Variants in PI16 observed in about 807,000 individuals in gnomAD.
The protein encoded by PI16 is PSP94-binding protein.
PI16 carries 35 observed loss-of-function variants against 38.0 expected under a neutral mutation model. The observed-to-expected ratio is 0.92, with a 90% confidence interval of 0.70 to 1.22. The LOEUF (loss-of-function observed/expected upper bound fraction) is 1.22, where lower values mean the gene tolerates loss of function less well. Ranked by LOEUF, PI16 falls within the 50% of genes most tolerant of loss-of-function variation. PI16 has a pLI of 0.00. For missense variants in PI16, 572 were observed against 593.8 expected (o/e 0.96, Z 0.38); for synonymous variants, 275 against 252.9 (o/e 1.09, Z -0.83).
intron 1 of PI16, among the ~76,000 whole-genome samples, chr6:36,957,323 A>G (rs754046427): frequency 3.9e-5 from 6 of 152,062 alleles, no homozygotes; most frequent in Admixed American, 1.3e-4. Context: ...TCTGATTAGG[A>G]TGCCTCTCCC....
chr6:36,963,085 T>G lies in PI16; in HGVS notation c.743T>G (p.Val248Gly). 1 of 1,614,034 alleles carries G rather than the reference T, an allele frequency of 6.2e-7. No individual in the cohort carries two copies. The highest frequency in any genetic ancestry group is 8.5e-7 in the Non-Finnish European group (1 of 1,180,004). ...ATTCCGGCTTTCTTGGTAACAGAGG[T>G]CTCAGGCTCCCTGGCAACCAAGGCT... The part of the protein sequence containing the change: ...TGIPAFLVTE[V>G]SGSLATKALP... Residue 248 changes from valine (V) to glycine (G), a missense_variant, in exon 5 of 7, where the codon GTC becomes GGC. Coordinates refer to ENST00000373674, the MANE Select transcript of PI16 (RefSeq NM_153370.3).
At chr6:36,957,925 G>T (rs960397886) in intron 1 of PI16, among the ~76,000 whole-genome samples, 17 of 152,198 alleles carry the variant, frequency 1.1e-4, no homozygotes, top group African/African-American at 4.1e-4. Flanking sequence ...GGCCCCCAGC[G>T]CCCTGCCCCT....
At chr6:36,955,598 G>A (rs1460082354) in intron 1 of PI16, among the ~76,000 whole-genome samples, 1 of 152,210 alleles carries the variant, frequency 6.6e-6, no homozygotes, top group Non-Finnish European at 1.5e-5. Context: ...ATATACCAGT[G>A]TGGATTGAAT....
Position 36,961,957 on chromosome 6 carries a change from G to T in PI16, c.575G>T (p.Cys192Phe). 6.2e-7 allele frequency: 1 copy of T among 1,614,052 alleles called. No individual in the cohort carries two copies. Among genetic ancestry groups the T allele is most frequent in the Non-Finnish European group, 8.5e-7 (1 of 1,179,900 alleles). The change falls in exon 4 of 7, where the codon TGC becomes TTC. Residue 192 changes from cysteine to phenylalanine, a missense_variant. Transcript: ENST00000373674. The stretch of plus-strand genomic sequence containing the variant: ...TCCCAATGTCCCTCTGGCTACCACT[G>T]CAAGAACTCCCTCTGTGGTGAGTCC... The part of the protein sequence containing the change: ...PCSQCPSGYH[C>F]KNSLCEPIGS...
Position 36,959,325 on chromosome 6 carries a change from G to C in PI16, c.352G>C (p.Ala118Pro). 1 of 1,571,498 alleles carries C rather than the reference G, an allele frequency of 6.4e-7. No individual in the cohort carries two copies. Among genetic ancestry groups the C allele is most frequent in the Middle Eastern group, 1.7e-4 (1 of 5,930 alleles). The change falls in exon 2 of 7, where the codon GCC becomes CCC. Residue 118 changes from alanine (A) to proline (P), a missense_variant. Ala to Pro is a conservative substitution (Grantham distance 27). Transcript: ENST00000373674. ...HEREHYNLSAATCSPGQMCGH... is the reference protein window; with the variant it reads ...HEREHYNLSAPTCSPGQMCGH... ...GCGTGAGCACTACAACCTCAGCGCC[G>C]CCACCTGCAGCCCAGGCCAGATGTG...
chr6:36,962,822 G>A lies in PI16; in HGVS notation c.593-113G>A, dbSNP rs1410657578. The A allele has an allele frequency of 9.2e-6, 8 of 868,348 alleles. No individual in the cohort carries two copies. The highest frequency in any genetic ancestry group is 2.8e-5 in the Admixed American group (1 of 36,008). The allele number at this position is 868,348 out of a possible 1,614,324, so 53.8% of individuals were successfully genotyped here. On this transcript the variant is annotated intron_variant, in intron 4 of 6. Coordinates refer to ENST00000373674, the MANE Select transcript of PI16 (RefSeq NM_153370.3). The surrounding 1 kb of genome is among the most constrained non-coding windows in gnomAD (Gnocchi z 4.1). Reference sequence around the variant, plus strand: ...GCATATCAGCTGGAGAAGTGTATGTGTGTGTTTGTGTGTCCTGGTAGGACA... The same window carrying A: ...GCATATCAGCTGGAGAAGTGTATGTATGTGTTTGTGTGTCCTGGTAGGACA...
chr6:36,960,649 C>T (rs1313665790), intron 2 of PI16, among the ~76,000 whole-genome samples: 28 of 145,244 alleles, frequency 1.9e-4, no homozygotes, highest in African/African-American at 6.4e-4. Flanking sequence ...TCCACCCCCC[C>T]CCTCCCTCTA....
In PI16 at chr6:36,963,582, C is replaced by T. The variant is rs771341353; in HGVS notation, c.1240C>T (p.Arg414Cys). 12 of 1,613,978 alleles carry T rather than the reference C, an allele frequency of 7.4e-6. No individual in the cohort carries two copies. The highest frequency in any genetic ancestry group is 1.3e-5 in the African/African-American group (1 of 74,934). Residue 414 changes from arginine to cysteine, a missense_variant, in exon 5 of 7, where the codon CGT becomes TGT. Coordinates refer to ENST00000373674, the MANE Select transcript of PI16 (RefSeq NM_153370.3). ...TGCCACCGCTAATGCCACGGGTGGG[C>T]GTGCCCTGGCTCTGCAGTCGTCCTT... ...TSATANATGG[R>C]ALALQSSLPG... is the part of the protein sequence containing the mutation.
At chr6:36,957,034 T>A (rs1372839499) in intron 1 of PI16, among the ~76,000 whole-genome samples, 1 of 152,170 alleles carries the variant, frequency 6.6e-6, no homozygotes, top group African/African-American at 2.4e-5. Context: ...ACTCCTAGGA[T>A]AGCCTCTACC....
intron 3 of PI16, 144 bp downstream of exon 3, chr6:36,961,704 C>T (rs1763370415): frequency 3.3e-6 from 3 of 896,724 alleles, no homozygotes; most frequent in Middle Eastern, 2.9e-4. Context: ...GTGAAGGCAC[C>T]AATGGGGGTC....
chr6:36,954,724 G>A, upstream of PI16: 1 of 1,581,428 alleles, frequency 6.3e-7, no homozygotes, highest in Non-Finnish European at 8.6e-7. Context: ...CCAGCTGCCA[G>A]ACCCCTGGAC....
chr6:36,962,007 G>T lies in PI16; in HGVS notation c.592+33G>T, dbSNP rs1238621075. On this transcript the variant is annotated intron_variant, in intron 4 of 6. Coordinates refer to ENST00000373674, the MANE Select transcript of PI16 (RefSeq NM_153370.3). This position sits in a 1 kb window ranked among gnomAD's most constrained non-coding sequence, Gnocchi z 4.1. ...CACGGGTGGATGGGTAGGGGCAGGG[G>T]GTGTGGAAATGATGCGATGCAGACT... 2 of 1,566,076 alleles carry T rather than the reference G, an allele frequency of 1.3e-6. No homozygotes were observed. The highest frequency in any genetic ancestry group is 1.7e-5 in the Admixed American group (1 of 59,920).
intron 1 of PI16, among the ~76,000 whole-genome samples, chr6:36,949,460 A>C (rs2150732005): frequency 6.6e-6 from 1 of 152,300 alleles, no homozygotes; most frequent in Non-Finnish European, 1.5e-5. Flanking sequence ...CTAAGTTGTC[A>C]GGAACTCACT....
chr6:36,959,407 G>T, intron 2 of PI16, 41 bp downstream of exon 2: 1 of 1,513,596 alleles, frequency 6.6e-7, no homozygotes, highest in Non-Finnish European at 8.8e-7. Context: ...GCCTCGCGGC[G>T]TGGGGGTGGG....
Position 36,962,920 on chromosome 6 carries a change from C to G in PI16, c.593-15C>G, listed in dbSNP as rs769595857. On this transcript the variant is annotated splice_polypyrimidine_tract_variant and intron_variant, in intron 4 of 6. Coordinates refer to ENST00000373674, the MANE Select transcript of PI16 (RefSeq NM_153370.3). This position sits in a 1 kb window ranked among gnomAD's most constrained non-coding sequence, Gnocchi z 4.1. ...TGCTTGCAGCACTCATGCCCGTTCT[C>G]GTCTGTCTTATCAGAACCCATCGGA... 4 of 1,594,748 alleles carry G rather than the reference C, an allele frequency of 2.5e-6. No individual in the cohort carries two copies. The South Asian group carries it at 3.4e-5, about 13-fold the overall frequency.
At chr6:36,955,567 C>T (rs1307074574) in intron 1 of PI16, among the ~76,000 whole-genome samples, 5 of 152,160 alleles carry the variant, frequency 3.3e-5, no homozygotes, top group Middle Eastern at 6.8e-3. Context: ...CTGTAAAAGG[C>T]GGTCAGAATT....
intron 1 of PI16, among the ~76,000 whole-genome samples, chr6:36,958,598 C>T (rs1437946543): frequency 6.9e-6 from 1 of 145,298 alleles, no homozygotes; most frequent in Non-Finnish European, 1.5e-5. Flanking sequence ...AGCACTGGGG[C>T]GGGAGCCTGC....
In PI16 at chr6:36,963,126, A is replaced by G. The variant is rs145022350; in HGVS notation, c.784A>G (p.Thr262Ala). The G allele has an allele frequency of 8.8e-4, 1,414 of 1,614,010 alleles. 1 individual carries two copies. The highest frequency in any genetic ancestry group is 1.1e-3 in the Non-Finnish European group (1,252 of 1,179,984). Residue 262 changes from threonine to alanine, a missense_variant, in exon 5 of 7, where the codon ACC becomes GCC. Physicochemically the swap from Thr to Ala is moderately conservative, Grantham distance 58 (BLOSUM62 0). Coordinates refer to ENST00000373674, the MANE Select transcript of PI16 (RefSeq NM_153370.3). ...AACCAAGGCTCTGCCTGCTGTGGAA[A>G]CCCAGGCCCCAACTTCCTTAGCAAC... ...LATKALPAVE[T>A]QAPTSLATKD...
chr6:36,960,306 G>A (rs1281325704), intron 2 of PI16, among the ~76,000 whole-genome samples: 10 of 147,520 alleles, frequency 6.8e-5, no homozygotes, highest in African/African-American at 2.5e-4. Flanking sequence ...CATTTTGAAA[G>A]TTTGGGCTTG....
Sources: gnomAD v4.1 joint callset for allele counts (sites outside exome capture counted in the v4.1 genomes callset) on GRCh38, gnomAD v4.1.1 for gene constraint, Gnocchi (gnomAD v3.1) non-coding constraint, MANE v1.5 for transcripts, NCBI Gene and HGNC (gene_info 2026-07-23, HGNC 2026-07-21) for gene names.